The following ANKS3 variants were observed in gnomAD, a reference collection of about 807,000 sequenced individuals.
ANKS3 encodes ankyrin repeat and sterile alpha motif domain containing 3, also known as ankyrin repeat and SAM domain-containing protein 3.
In ANKS3, 62 loss-of-function variants were observed where a neutral mutation model predicts 80.7. The observed-to-expected ratio is 0.77, with a 90% CI of 0.63 to 0.95. The LOEUF is 0.95. ANKS3 is among the 40% of genes least tolerant of loss of function. The pLI is 0.00. For synonymous variants in ANKS3, 489 were observed against 355.3 expected (o/e 1.38, Z -4.23); for missense variants, 1,150 against 883.6 (o/e 1.30, Z -3.82).
At chr16:4,705,926 C>CA (rs1555468243) in intron 7 of ANKS3, among the ~76,000 whole-genome samples, 2 of 149,364 alleles carry the variant, frequency 1.3e-5, no homozygotes, top group African/African-American at 4.9e-5. Context: ...TTGGAAACAA[C>CA]TTTTTTTTTT....
chr16:4,701,784 C>T, intron 9 of ANKS3: 1 of 510,214 alleles, frequency 2.0e-6, no homozygotes, highest in East Asian at 3.2e-5. Context: ...ACACGGTGGG[C>T]ACTATGGAAA....
chr16:4,698,124 C>A, intron 14 of ANKS3, 62 bp from the exon 15 acceptor site: 1 of 1,509,194 alleles, frequency 6.6e-7, no homozygotes, highest in Non-Finnish European at 9.0e-7. Flanking sequence ...GAGCCCCCAC[C>A]TCAGACCTTC....
intron 7 of ANKS3, among the ~76,000 whole-genome samples, chr16:4,711,455 A>C (rs1205463029): frequency 2.6e-5 from 4 of 151,730 alleles, no homozygotes; most frequent in Non-Finnish European, 2.9e-5. Flanking sequence ...GCGGTGGCTC[A>C]CACCTATAAT....
At chr16:4,707,492 G>C (rs968989669) in intron 7 of ANKS3, among the ~76,000 whole-genome samples, 1 of 151,978 alleles carries the variant, frequency 6.6e-6, no homozygotes, top group Non-Finnish European at 1.5e-5. Context: ...ATGTAGGCTG[G>C]ACTGGTCTCG....
rs139527584 is a variant in ANKS3 at position 4,726,735 on chromosome 16, G to C, written c.415C>G (p.Leu139Val). 2 of 1,614,194 alleles carry C rather than the reference G, an allele frequency of 1.2e-6. No homozygotes were observed. The highest frequency in any genetic ancestry group is 1.7e-6 in the Non-Finnish European group (2 of 1,180,004). ...EMKDIQGWTALFHCTSAGHQH... is the reference protein window; with the variant it reads ...EMKDIQGWTAVFHCTSAGHQH... ...TGCCCGGCGCTGGTACAGTGGAAGA[G>C]GGCTGTCCAGCCCTGGATGTCTTTC... Residue 139 changes from leucine (L) to valine (V), a missense_variant, in exon 5 of 18, where the codon CTC becomes GTC. Leu to Val is a conservative substitution (Grantham distance 32). Transcript: ENST00000304283.
intron 6 of ANKS3, among the ~76,000 whole-genome samples, chr16:4,715,076 C>T (rs918677933): frequency 6.7e-6 from 1 of 149,934 alleles, no homozygotes; most frequent in African/African-American, 2.5e-5. Context: ...CTTGAATGCT[C>T]AGGGGGATAA....
At chr16:4,701,767 G>C (rs758756031) in intron 9 of ANKS3, 1 of 526,972 alleles carries the variant, frequency 1.9e-6, no homozygotes, top group Non-Finnish European at 3.4e-6. Flanking sequence ...CCGGAGCAGT[G>C]CTTGGCACAC....
At chr16:4,697,156 T>C in intron 16 of ANKS3, 52 bp from the exon 17 acceptor site, 1 of 1,591,550 alleles carries the variant, frequency 6.3e-7, no homozygotes, top group Non-Finnish European at 8.6e-7. Context: ...GAGGGCTGGG[T>C]GGTGCTGCCC....
intron 7 of ANKS3, among the ~76,000 whole-genome samples, chr16:4,710,571 T>C (rs1279377178): frequency 6.6e-6 from 1 of 151,964 alleles, no homozygotes; most frequent in Admixed American, 6.6e-5. Flanking sequence ...AAGCTGGGCG[T>C]GGTAGGGTGC....
rs1487580458 is a variant in ANKS3, at chr16:4,698,416, G to C, written c.1724+11C>G. ...TGGAGACCCAGCCCAGGGCAGCTCA[G>C]AGCCACTCACCGCAGCTGGTCCAGG... is the stretch of plus-strand genomic sequence containing the variant. On this transcript the variant is annotated intron_variant, in intron 14 of 17. Transcript: ENST00000304283. 1 of 1,503,674 alleles carries C rather than the reference G, an allele frequency of 6.7e-7. No individual in the cohort carries two copies. The highest frequency in any genetic ancestry group is 1.3e-5 in the South Asian group (1 of 77,608). 93.1% of individuals were successfully genotyped at this position (1,503,674 alleles called of 1,614,324 possible).
chr16:4,704,088 G>A (rs911689041), intron 8 of ANKS3, among the ~76,000 whole-genome samples: 3 of 152,200 alleles, frequency 2.0e-5, no homozygotes, highest in African/African-American at 7.2e-5. Flanking sequence ...ACACGGGCGG[G>A]CCCTCATGCT....
intron 1 of ANKS3, among the ~76,000 whole-genome samples, chr16:4,732,425 C>G (rs1473181536): frequency 1.3e-5 from 2 of 152,096 alleles, no homozygotes; most frequent in Non-Finnish European, 2.9e-5. Context: ...CCCCAGAGGT[C>G]TGAAGGACAA....
In ANKS3 at chr16:4,697,340, A is replaced by G; in HGVS notation, c.1887T>C (p.Arg629=). Residue 629 remains arginine (R), a synonymous_variant, in exon 16 of 18, where the codon CGT becomes CGC. Coordinates refer to ENST00000304283, the MANE Select transcript of ANKS3 (RefSeq NM_133450.4). ...ELSGALEDRV[R]EMGQALCLVT... Reference sequence around the variant, plus strand: ...TGGTCCCCGGAGACTCACCCATCTCACGGACACGGTCCTCCAGGGCTCCCG... The same window carrying G: ...TGGTCCCCGGAGACTCACCCATCTCGCGGACACGGTCCTCCAGGGCTCCCG... 6.2e-7 allele frequency: 1 copy of G among 1,604,704 alleles called. No homozygotes were observed. The highest frequency in any genetic ancestry group is 8.5e-7 in the Non-Finnish European group (1 of 1,173,988).
chr16:4,697,017 C>T lies in ANKS3; in HGVS notation c.*11G>A, dbSNP rs774009594. The T allele has an allele frequency of 1.4e-5, 22 of 1,611,438 alleles. No individual in the cohort carries two copies. The highest frequency in any genetic ancestry group is 1.6e-5 in the Non-Finnish European group (19 of 1,179,202). On this transcript the variant is annotated splice_region_variant and 3_prime_UTR_variant, in exon 17 of 18. Transcript: ENST00000304283. ...GGGATCCAGGCTGGCAGACACTCAC[C>T]GGCCCGCAGGCTAGGTCTCCCGCCA...
chr16:4,724,938 A>C (rs2081281603), intron 5 of ANKS3, 107 bp from the exon 6 acceptor site: 1 of 877,720 alleles, frequency 1.1e-6, no homozygotes, highest in African/African-American at 1.7e-5. Context: ...ACCGATCCCT[A>C]AGCGTAGAAC....
At chr16:4,720,156 C>A in intron 6 of ANKS3, among the ~76,000 whole-genome samples, 1 of 133,854 alleles carries the variant, frequency 7.5e-6, no homozygotes, top group Non-Finnish European at 1.6e-5. Flanking sequence ...AGCAAGACCC[C>A]ACCCCAAAAA....
At chr16:4,729,601 C>G (rs1469451747) in intron 3 of ANKS3, 1 of 154,384 alleles carries the variant, frequency 6.5e-6, no homozygotes, top group East Asian at 1.9e-4. Flanking sequence ...CCTCAAGTGA[C>G]CCGCCCATCT....
intron 6 of ANKS3, among the ~76,000 whole-genome samples, chr16:4,716,592 T>A (rs778291405): frequency 1.3e-5 from 2 of 151,952 alleles, no homozygotes; most frequent in African/African-American, 2.4e-5. Flanking sequence ...TGACTCTGAT[T>A]AAAAATTACC....
chr16:4,716,779 G>T (rs980122899), intron 6 of ANKS3, among the ~76,000 whole-genome samples: 4 of 151,926 alleles, frequency 2.6e-5, no homozygotes, highest in African/African-American at 9.7e-5. Context: ...AGCCAGGTGT[G>T]GTGGTGCGTG....
Sources: allele counts gnomAD v4.1 joint callset (sites outside exome capture counted in the v4.1 genomes callset), GRCh38; gene constraint gnomAD v4.1.1; transcripts MANE v1.5; gene names NCBI Gene and HGNC (gene_info 2026-07-23, HGNC 2026-07-21).